The following IFTAP variants were observed in gnomAD, a reference collection of about 807,000 sequenced individuals.
IFTAP encodes intraflagellar transport-associated protein.
IFTAP carries 19 observed loss-of-function variants against 19.4 expected under a neutral mutation model. That is an observed-to-expected ratio of 0.98 (90% CI 0.68 to 1.44). The LOEUF (loss-of-function observed/expected upper bound fraction) is 1.44, where lower values mean the gene tolerates loss of function less well. IFTAP is among the 40% of genes most tolerant of loss of function. The pLI, the probability that IFTAP is intolerant of heterozygous loss-of-function variation, is 0.00. For synonymous variants in IFTAP, 85 were observed against 83.5 expected, an observed-to-expected ratio of 1.02 and a Z score of -0.10; for missense variants, 240 against 253.6, an observed-to-expected ratio of 0.95 and a Z score of 0.36.
Position 36,635,987 on chromosome 11 carries a change from CTT to C in IFTAP, c.292-61_292-60del, listed in dbSNP as rs372229008. On this transcript the variant is annotated intron_variant, in intron 3 of 5. Coordinates refer to ENST00000334307, the MANE Select transcript of IFTAP (RefSeq NM_138787.4). ...GGTGTTGTGGAAGTGGATTCGTTGA[CTT>C]TTCACTGCAGTTTTTCTTTAGGTCT... is the stretch of plus-strand genomic sequence containing the variant. 1,848 of 1,111,024 alleles carry C rather than the reference CTT, an allele frequency of 1.7e-3. 18 individuals carry two copies. In the African/African-American group the frequency reaches 0.025, roughly 15 times the overall value. 68.8% of individuals were successfully genotyped at this position (1,111,024 alleles called of 1,614,324 possible). A position where few individuals can be genotyped will look rare whatever the true frequency, so the allele number is the denominator to read the frequency against.
At chr11:36,622,083 A>ATTTTTTTTTTTTTTTTTTTTTTT (rs199873596) in intron 2 of IFTAP, among the ~76,000 whole-genome samples, 3 of 138,174 alleles carry the variant, frequency 2.2e-5, no homozygotes, top group Non-Finnish European at 3.0e-5. Flanking sequence ...CTCTTGTTCT[A>ATTTTTTTTTTTTTTTTTTTTTTT]TTTTTTATTT....
intron 4 of IFTAP, among the ~76,000 whole-genome samples, chr11:36,641,076 C>T (rs1356631678): frequency 6.6e-6 from 1 of 152,066 alleles, no homozygotes; most frequent in Non-Finnish European, 1.5e-5. Context: ...AATACTCCTC[C>T]CCTTTCCAAC....
intron 2 of IFTAP, 98 bp downstream of exon 2, chr11:36,610,337 C>G (rs1223065832): frequency 4.5e-6 from 5 of 1,100,476 alleles, no homozygotes; most frequent in Non-Finnish European, 6.4e-6. Flanking sequence ...ATTTAGTGAA[C>G]ATTCATTCCA....
intron 2 of IFTAP, among the ~76,000 whole-genome samples, chr11:36,616,135 T>C (rs1175009723): frequency 3.9e-5 from 6 of 151,984 alleles, no homozygotes; most frequent in Non-Finnish European, 8.8e-5. Flanking sequence ...ACAGTAGTTA[T>C]TTCCAAATCT....
intron 4 of IFTAP, among the ~76,000 whole-genome samples, chr11:36,641,722 G>T (rs145916039): frequency 4.6e-5 from 7 of 152,272 alleles, no homozygotes; most frequent in African/African-American, 1.7e-4. Context: ...AATAGGTGGG[G>T]TGTGGTGCTG....
intron 5 of IFTAP, among the ~76,000 whole-genome samples, chr11:36,652,459 C>T (rs749553387): frequency 9.2e-5 from 14 of 152,114 alleles, no homozygotes; most frequent in Non-Finnish European, 1.5e-4. Context: ...TGGGCTGAGA[C>T]GATGGGGTTT....
rs183510021 is a variant in IFTAP, at chr11:36,654,442, C to A, written c.499-4577C>A. 7.9e-5 allele frequency among the ~76,000 whole-genome samples: 12 copies of A among 152,072 alleles called. No individual in the cohort carries two copies. In the East Asian group the frequency reaches 2.1e-3, roughly 27 times the overall value. On this transcript the variant is annotated intron_variant, in intron 5 of 5. Coordinates refer to ENST00000334307, the MANE Select transcript of IFTAP (RefSeq NM_138787.4). ...GCCATGTTGGTGTGCTGCACAGGAG[C>A]CCAAATGTCCATCAATGATCTCCTG...
chr11:36,599,884 T>C (rs150166772), intron 1 of IFTAP, among the ~76,000 whole-genome samples: 1,584 of 152,366 alleles, frequency 0.01, 28 homozygotes, highest in African/African-American at 0.036. Context: ...AAAATTGATA[T>C]ATTGGATGTC....
intron 2 of IFTAP, among the ~76,000 whole-genome samples, chr11:36,618,583 T>A (rs972122506): frequency 6.6e-6 from 1 of 151,378 alleles, no homozygotes; most frequent in Non-Finnish European, 1.5e-5. Flanking sequence ...ATAAATGCAG[T>A]GAAAAGAAAA....
intron 2 of IFTAP, among the ~76,000 whole-genome samples, chr11:36,623,506 CGCTAATACAGAG>C (rs1565016031): frequency 6.6e-6 from 1 of 152,042 alleles, no homozygotes; most frequent in African/African-American, 2.4e-5. Flanking sequence ...TCTTGCTGAT[CGCTAATACAGAG>C]GCTAGGATAT....
chr11:36,625,558 G>A (rs182549429), intron 2 of IFTAP, among the ~76,000 whole-genome samples: 1 of 152,160 alleles, frequency 6.6e-6, no homozygotes, highest in Non-Finnish European at 1.5e-5. Flanking sequence ...CTTTTTGTGG[G>A]ACATTTGAAT....
intron 2 of IFTAP, among the ~76,000 whole-genome samples, chr11:36,623,853 AG>A (rs59473220): frequency 0.11 from 17,228 of 152,184 alleles, 1,135 homozygotes; most frequent in African/African-American, 0.17. Context: ...GTAGTTTTAA[AG>A]ACTTACGCAA....
intron 4 of IFTAP, among the ~76,000 whole-genome samples, chr11:36,639,618 G>A (rs1293608144): frequency 6.6e-6 from 1 of 152,036 alleles, no homozygotes; most frequent in Non-Finnish European, 1.5e-5. Flanking sequence ...AGGGAAAGAG[G>A]TGCCAGGCTC....
intron 2 of IFTAP, among the ~76,000 whole-genome samples, chr11:36,628,472 A>T (rs1590216961): frequency 6.6e-6 from 1 of 151,214 alleles, no homozygotes; most frequent in African/African-American, 2.5e-5. Flanking sequence ...TATCTCTCTT[A>T]TATCATCTGC....
chr11:36,637,627 G>T (rs188590661), intron 4 of IFTAP, among the ~76,000 whole-genome samples: 1 of 152,236 alleles, frequency 6.6e-6, no homozygotes, highest in Non-Finnish European at 1.5e-5. Flanking sequence ...GTCTTTGGTG[G>T]CATCTGGTGA....
chr11:36,596,475 G>A (rs113290425), intron 1 of IFTAP, among the ~76,000 whole-genome samples: 5,864 of 152,128 alleles, frequency 0.039, 365 homozygotes, highest in African/African-American at 0.13. Context: ...AATAATCTAG[G>A]CAGTGTTTTA....
intron 2 of IFTAP, among the ~76,000 whole-genome samples, chr11:36,623,975 A>ATG (rs1264248862): frequency 6.6e-6 from 1 of 150,826 alleles, no homozygotes; most frequent in Non-Finnish European, 1.5e-5. Context: ...AATTATATAT[A>ATG]TGTGTGTATA....
intron 5 of IFTAP, among the ~76,000 whole-genome samples, chr11:36,657,128 A>G (rs578062587): frequency 6.6e-6 from 1 of 152,264 alleles, no homozygotes; most frequent in South Asian, 2.1e-4. Context: ...ATCAGACTGA[A>G]TATATTGGTG....
intron 2 of IFTAP, among the ~76,000 whole-genome samples, chr11:36,619,234 A>G (rs144976122): frequency 2.0e-5 from 3 of 152,166 alleles, no homozygotes; most frequent in East Asian, 3.9e-4. Flanking sequence ...CCAAAAGAAT[A>G]TCACTACTCA....
Sources: allele counts gnomAD v4.1 joint callset (sites outside exome capture counted in the v4.1 genomes callset), GRCh38; gene constraint gnomAD v4.1.1; transcripts MANE v1.5; gene names NCBI Gene and HGNC (gene_info 2026-07-23, HGNC 2026-07-21).